EPHA3: variants seen among roughly 807,000 people sequenced by gnomAD.
The protein encoded by EPHA3 is EPH receptor A3, also known as ephrin type-A receptor 3.
A neutral mutation model predicts 107.1 loss-of-function variants in EPHA3; 42 were observed. The observed-to-expected ratio is 0.39, with a 90% CI of 0.31 to 0.51. EPHA3 has a LOEUF of 0.51. EPHA3 is among the 20% of genes least tolerant of loss of function. The pLI is 0.78. For missense variants in EPHA3, 1,183 were observed against 1,211.2 expected (o/e 0.98, Z 0.35); for synonymous variants, 461 against 424.8 (o/e 1.09, Z -1.05).
intron 5 of EPHA3, among the ~76,000 whole-genome samples, chr3:89,345,031 C>T (rs777848978): frequency 6.6e-5 from 10 of 151,204 alleles, no homozygotes; most frequent in East Asian, 1.9e-4. Flanking sequence ...TAAATTGCTG[C>T]TTTTTGTTTT....
intron 13 of EPHA3, among the ~76,000 whole-genome samples, chr3:89,435,957 A>C (rs764784580): frequency 6.7e-6 from 1 of 150,128 alleles, no homozygotes; most frequent in Non-Finnish European, 1.5e-5. Flanking sequence ...CATCTCAATA[A>C]TAATAATAAT....
At chr3:89,219,083 G>A (rs1429320471) in intron 3 of EPHA3, among the ~76,000 whole-genome samples, 1 of 152,110 alleles carries the variant, frequency 6.6e-6, no homozygotes, top group Non-Finnish European at 1.5e-5. Context: ...TGCTTCTAAA[G>A]TGTCATCAAA....
At position 89,481,147 on chromosome 3, in the gene EPHA3, CTT is replaced by C. The variant is rs1710614239; in HGVS notation, c.*1646_*1647del. 4.3e-6 allele frequency: 1 copy of C among 232,056 alleles called. No individual in the cohort carries two copies. The allele number at this position is 232,056 out of a possible 1,614,324, so 14.4% of individuals were successfully genotyped here. On this transcript the variant is annotated 3_prime_UTR_variant, in exon 17 of 17. Transcript: ENST00000336596. Reference sequence around the variant, plus strand: ...AGAATGGATAAAATAATGCTGCAAACTTAATGTTCTTATGCAAAATGGAACGC... The same window carrying C: ...AGAATGGATAAAATAATGCTGCAAACAATGTTCTTATGCAAAATGGAACGC...
At chr3:89,167,968 T>A (rs1046829577) in intron 2 of EPHA3, among the ~76,000 whole-genome samples, 6 of 152,076 alleles carry the variant, frequency 3.9e-5, no homozygotes, top group African/African-American at 1.4e-4. Context: ...ACATATATTT[T>A]TAAACAAAAT....
At chr3:89,331,636 T>G (rs1329921458) in intron 3 of EPHA3, among the ~76,000 whole-genome samples, 11 of 152,156 alleles carry the variant, frequency 7.2e-5, no homozygotes, top group Non-Finnish European at 1.3e-4. Context: ...GCATCTAGGT[T>G]TTCATCATTT....
intron 15 of EPHA3, among the ~76,000 whole-genome samples, chr3:89,451,880 C>CGTGTGTGTGTGTGTGTGTGT (rs146055053): frequency 6.9e-6 from 1 of 144,186 alleles, no homozygotes; most frequent in Non-Finnish European, 1.5e-5. Context: ...TCAAGCAGGG[C>CGTGTGTGTGTGTGTGTGTGT]GTGTGTGTGT....
In EPHA3 at chr3:89,119,934, G is replaced by C. The variant is rs183789798; in HGVS notation, c.89-7275G>C. On this transcript the variant is annotated intron_variant, in intron 1 of 16. Transcript: ENST00000336596. ...TTTCTAAAGGAAATACTACATTAGAGTTATTCTGTAGGCCAGTTTTCTTCT... is the reference window on the plus strand; with the variant it reads ...TTTCTAAAGGAAATACTACATTAGACTTATTCTGTAGGCCAGTTTTCTTCT... Among the ~76,000 whole-genome samples, 43 of 152,244 alleles carry C rather than the reference G, an allele frequency of 2.8e-4. No individual in the cohort carries two copies. In the East Asian group the frequency reaches 3.5e-3, roughly 12 times the overall value.
At chr3:89,352,036 G>T (rs766611815) in intron 5 of EPHA3, among the ~76,000 whole-genome samples, 5 of 150,784 alleles carry the variant, frequency 3.3e-5, no homozygotes, top group Non-Finnish European at 7.4e-5. Flanking sequence ...ATTCAAAAAT[G>T]ATCAGCAAAT....
At chr3:89,134,280 C>T (rs144470415) in intron 2 of EPHA3, among the ~76,000 whole-genome samples, 1 of 151,728 alleles carries the variant, frequency 6.6e-6, no homozygotes, top group East Asian at 2.0e-4. Flanking sequence ...AGGTTTGTTA[C>T]ACATGTATAC....
At chr3:89,386,645 G>A (rs1708629042) in intron 5 of EPHA3, among the ~76,000 whole-genome samples, 1 of 152,206 alleles carries the variant, frequency 6.6e-6, no homozygotes, top group Non-Finnish European at 1.5e-5. Context: ...TAGTGAAGCT[G>A]TGAGAAGAAG....
intron 3 of EPHA3, among the ~76,000 whole-genome samples, chr3:89,213,318 A>G (rs950901615): frequency 6.6e-6 from 1 of 152,022 alleles, no homozygotes; most frequent in South Asian, 2.1e-4. Context: ...TAGGTTCTCA[A>G]GTAGATACCT....
chr3:89,145,245 AT>A (rs1483031636), intron 2 of EPHA3, among the ~76,000 whole-genome samples: 1 of 149,392 alleles, frequency 6.7e-6, no homozygotes, highest in Non-Finnish European at 1.5e-5. Context: ...GAAACATTCT[AT>A]TTTAGTTGTG....
At chr3:89,411,917 AT>A (rs1157723483) in intron 9 of EPHA3, among the ~76,000 whole-genome samples, 5 of 152,060 alleles carry the variant, frequency 3.3e-5, no homozygotes, top group African/African-American at 1.2e-4. Flanking sequence ...ATCTGATTTC[AT>A]TTGTTATAAT....
chr3:89,343,937 C>A (rs1176046748), intron 5 of EPHA3, among the ~76,000 whole-genome samples: 1 of 152,052 alleles, frequency 6.6e-6, no homozygotes, highest in African/African-American at 2.4e-5. Context: ...TAACTGTCTT[C>A]TATGGGAAAA....
At chr3:89,271,929 C>G (rs1039344306) in intron 3 of EPHA3, among the ~76,000 whole-genome samples, 5 of 151,892 alleles carry the variant, frequency 3.3e-5, no homozygotes, top group African/African-American at 9.7e-5. Context: ...TCTTTTTCAG[C>G]TTACTTAATG....
intron 2 of EPHA3, among the ~76,000 whole-genome samples, chr3:89,130,170 G>A (rs1212507830): frequency 6.6e-6 from 1 of 152,002 alleles, no homozygotes; most frequent in Non-Finnish European, 1.5e-5. Flanking sequence ...GAGACAAGAG[G>A]TACTGCTAAA....
chr3:89,447,893 T>C (rs566069523), intron 13 of EPHA3, among the ~76,000 whole-genome samples: 15 of 152,272 alleles, frequency 9.9e-5, no homozygotes, highest in African/African-American at 3.1e-4. Context: ...ATTGCCCCCT[T>C]GAGCATCACT....
At chr3:89,211,011 G>A (rs1704063617) in intron 3 of EPHA3, among the ~76,000 whole-genome samples, 1 of 151,994 alleles carries the variant, frequency 6.6e-6, no homozygotes, top group Non-Finnish European at 1.5e-5. Context: ...TCAAATACAT[G>A]TTTACTTACA....
chr3:89,400,245 G>A, intron 7 of EPHA3: 1 of 244,184 alleles, frequency 4.1e-6, no homozygotes, highest in Non-Finnish European at 6.4e-6. Flanking sequence ...CCAGGCTGGA[G>A]TACAGCAGAG....
Sources: gnomAD v4.1 joint callset for allele counts (sites outside exome capture counted in the v4.1 genomes callset) on GRCh38, gnomAD v4.1.1 for gene constraint, MANE v1.5 for transcripts, NCBI Gene and HGNC (gene_info 2026-07-23, HGNC 2026-07-21) for gene names.